EYS: variants seen among roughly 807,000 people sequenced by gnomAD.
EYS encodes the protein EGF-like photoreceptor maintenance factor.
In EYS, 250 loss-of-function variants were observed where a neutral mutation model predicts 282.1. The observed-to-expected ratio is 0.89, with a 90% CI of 0.80 to 0.98. The LOEUF (loss-of-function observed/expected upper bound fraction) is 0.98. Among genes scored for constraint, EYS ranks in the 50% least tolerant of loss-of-function variants. EYS has a pLI of 0.00. For synonymous variants in EYS, 1,355 were observed against 1,282.9 expected, an observed-to-expected ratio of 1.06 and a Z score of -1.20; for missense variants, 4,016 against 3,709.0, an observed-to-expected ratio of 1.08 and a Z score of -2.15.
rs559607163 is a variant in EYS at position 65,393,890 on chromosome 6, G to A, written c.1184+8588C>T. 3.9e-5 allele frequency among the ~76,000 whole-genome samples: 6 copies of A among 152,024 alleles called. No homozygotes were observed. The East Asian group carries it at 7.7e-4, about 20-fold the overall frequency. ...GAATATAAAAGAGAATATCATTATC[G>A]TTGAAATATCTCAGAATTTTGGAGG... On this transcript the variant is annotated intron_variant, in intron 7 of 42. Transcript: ENST00000503581.
chr6:65,634,247 G>A (rs1767013810), intron 2 of EYS, among the ~76,000 whole-genome samples: 1 of 152,122 alleles, frequency 6.6e-6, no homozygotes, highest in Admixed American at 6.6e-5. Flanking sequence ...CTACATTTCT[G>A]AGCAACTTCT....
At chr6:65,285,361 C>A (rs1768332367) in intron 12 of EYS, among the ~76,000 whole-genome samples, 1 of 151,590 alleles carries the variant, frequency 6.6e-6, no homozygotes, top group African/African-American at 2.4e-5. Flanking sequence ...ATCACCTTTA[C>A]ATTGTAGCAA....
chr6:63,967,079 C>G (rs1766344173), intron 35 of EYS, among the ~76,000 whole-genome samples: 1 of 152,168 alleles, frequency 6.6e-6, no homozygotes, highest in Non-Finnish European at 1.5e-5. Flanking sequence ...GCCAGCATCA[C>G]TTTAGGTAAA....
chr6:65,339,227 T>G (rs765829334), intron 10 of EYS, among the ~76,000 whole-genome samples: 2 of 151,276 alleles, frequency 1.3e-5, no homozygotes, highest in African/African-American at 2.4e-5. Flanking sequence ...AATTAAATTT[T>G]ATTAAAGACT....
chr6:65,276,922 C>G (rs141875861), intron 12 of EYS, among the ~76,000 whole-genome samples: 65 of 152,230 alleles, frequency 4.3e-4, no homozygotes, highest in African/African-American at 1.4e-3. Context: ...TTTATTGTCT[C>G]TCTTATTTCC....
intron 35 of EYS, among the ~76,000 whole-genome samples, chr6:63,955,814 G>A (rs1765792765): frequency 6.6e-6 from 1 of 152,096 alleles, no homozygotes; most frequent in South Asian, 2.1e-4. Flanking sequence ...GATGTCCTGG[G>A]TCCTCCCAAT....
chr6:64,375,863 C>T (rs1371187216), intron 29 of EYS, among the ~76,000 whole-genome samples: 1 of 152,092 alleles, frequency 6.6e-6, no homozygotes, highest in Non-Finnish European at 1.5e-5. Flanking sequence ...TCTCAAACAA[C>T]AGAAATGATA....
intron 26 of EYS, among the ~76,000 whole-genome samples, chr6:64,440,737 T>C (rs929229333): frequency 6.6e-6 from 1 of 152,150 alleles, no homozygotes; most frequent in Non-Finnish European, 1.5e-5. Context: ...ATCAGTTTGA[T>C]TTAAAATTCA....
At chr6:64,685,971 T>G (rs1238197614) in intron 22 of EYS, among the ~76,000 whole-genome samples, 1 of 151,684 alleles carries the variant, frequency 6.6e-6, no homozygotes, top group Non-Finnish European at 1.5e-5. Flanking sequence ...ATAAACTCAA[T>G]GGAAAGCAAT....
At chr6:64,179,825 T>C (rs1764738938) in intron 31 of EYS, among the ~76,000 whole-genome samples, 1 of 152,112 alleles carries the variant, frequency 6.6e-6, no homozygotes. Flanking sequence ...AAAGTCTATA[T>C]GAGAGCTAGG....
intron 26 of EYS, among the ~76,000 whole-genome samples, chr6:64,578,763 C>G (rs573070594): frequency 3.9e-5 from 6 of 152,078 alleles, no homozygotes; most frequent in Admixed American, 3.3e-4. Flanking sequence ...ATGGTGTATT[C>G]ACAATAAAAT....
intron 22 of EYS, among the ~76,000 whole-genome samples, chr6:64,799,297 T>C (rs1323264240): frequency 2.0e-5 from 3 of 151,958 alleles, no homozygotes; most frequent in Admixed American, 6.6e-5. Context: ...TATATCAATG[T>C]GATAAGCTCA....
intron 1 of EYS, among the ~76,000 whole-genome samples, chr6:65,640,729 T>C (rs1208681986): frequency 6.6e-6 from 1 of 152,166 alleles, no homozygotes; most frequent in Non-Finnish European, 1.5e-5. Context: ...TGGGCCATTT[T>C]TTAAGATTTT....
chr6:64,635,379 G>A (rs1020250098), intron 22 of EYS, among the ~76,000 whole-genome samples: 12 of 152,134 alleles, frequency 7.9e-5, no homozygotes, highest in Admixed American at 1.3e-4. Flanking sequence ...AGTGGTGAGA[G>A]AGGGCATCCC....
At chr6:63,980,533 TAAAC>T (rs757351605) in intron 35 of EYS, among the ~76,000 whole-genome samples, 1 of 151,858 alleles carries the variant, frequency 6.6e-6, no homozygotes, top group Non-Finnish European at 1.5e-5. Flanking sequence ...ATTCTGAACA[TAAAC>T]AGTCTATTAC....
Position 63,878,737 on chromosome 6 carries a change from G to T in EYS, c.7056-14379C>A, listed in dbSNP as rs143436308. Among the ~76,000 whole-genome samples the T allele has an allele frequency of 5.3e-4, 80 of 152,320 alleles. No homozygotes were observed. In the East Asian group the frequency reaches 0.015, roughly 29 times the overall value. On this transcript the variant is annotated intron_variant, in intron 35 of 42. Coordinates refer to ENST00000503581, the MANE Select transcript of EYS (RefSeq NM_001142800.2). Reference sequence around the variant, plus strand: ...AGTTCAATCTCAGACTGCTGTGCTAGCAGTGTGTGAGGCTCTATGGGTGTG... The same window carrying T: ...AGTTCAATCTCAGACTGCTGTGCTATCAGTGTGTGAGGCTCTATGGGTGTG...
At chr6:63,813,606 T>C (rs142769531) in intron 36 of EYS, among the ~76,000 whole-genome samples, 3 of 152,310 alleles carry the variant, frequency 2.0e-5, no homozygotes, top group African/African-American at 7.2e-5. Context: ...ATATATAATT[T>C]TTTGGAGTTC....
At chr6:63,810,880 A>G (rs1177021442) in intron 36 of EYS, among the ~76,000 whole-genome samples, 2 of 152,168 alleles carry the variant, frequency 1.3e-5, no homozygotes, top group South Asian at 4.1e-4. Flanking sequence ...TATTTTGCTG[A>G]GAAAAACCCA....
At chr6:64,394,109 C>G (rs998091827) in intron 28 of EYS, among the ~76,000 whole-genome samples, 23 of 152,234 alleles carry the variant, frequency 1.5e-4, no homozygotes, top group Admixed American at 3.9e-4. Context: ...GAACTACAAA[C>G]CACTGCTCAA....
Sources: gnomAD v4.1 joint callset for allele counts (sites outside exome capture counted in the v4.1 genomes callset) on GRCh38, gnomAD v4.1.1 for gene constraint, MANE v1.5 for transcripts, NCBI Gene and HGNC (gene_info 2026-07-23, HGNC 2026-07-21) for gene names.